RCN3: variants seen among roughly 807,000 people sequenced by gnomAD.
RCN3 encodes the protein reticulocalbin 3.
Under a neutral mutation model 35.9 loss-of-function variants are expected in RCN3, and 41 were observed. The ratio of observed to expected loss-of-function variants is 1.14; its 90% CI spans 0.89 to 1.48. The LOEUF (loss-of-function observed/expected upper bound fraction) is 1.48. RCN3 is among the 40% of genes most tolerant of loss of function. RCN3 has a pLI of 0.00. For synonymous variants in RCN3, 187 were observed against 193.4 expected (o/e 0.97, Z 0.27); for missense variants, 451 against 471.3 (o/e 0.96, Z 0.40).
At chr19:49,536,587 C>T (rs1485791504) in intron 3 of RCN3, among the ~76,000 whole-genome samples, 1 of 151,060 alleles carries the variant, frequency 6.6e-6, no homozygotes, top group African/African-American at 2.4e-5. Context: ...AGGTGTGAGC[C>T]ACTGTGCCAG....
At chr19:49,529,329 T>C (rs539221065) in intron 2 of RCN3, among the ~76,000 whole-genome samples, 1 of 152,144 alleles carries the variant, frequency 6.6e-6, no homozygotes, top group South Asian at 2.1e-4. Flanking sequence ...CAGGGACTGG[T>C]GTGGAAAATG....
intron 2 of RCN3, among the ~76,000 whole-genome samples, chr19:49,530,566 G>A (rs1278461356): frequency 8.3e-5 from 12 of 144,174 alleles, no homozygotes; most frequent in Admixed American, 2.9e-4. Context: ...GCGCAATCTC[G>A]GCTCACCACA....
Position 49,542,686 on chromosome 19 carries a change from GCCCCC to G in RCN3, c.814_818del (p.Pro272CysfsTer32). On this transcript the variant is annotated frameshift_variant, in exon 6 of 7. Transcript: ENST00000270645. LOFTEE classifies it high-confidence loss of function. Reference sequence around the variant, plus strand: ...GGAGTGAGGTGGGCCACTGGGTGCTGCCCCCTGCCCAGGACCAGCCCCTGGTGGAA... The same window carrying G: ...GGAGTGAGGTGGGCCACTGGGTGCTGTGCCCAGGACCAGCCCCTGGTGGAA... 6.3e-7 allele frequency: 1 copy of G among 1,597,074 alleles called. No homozygotes were observed.
chr19:49,532,174 C>G (rs554811003), intron 2 of RCN3, among the ~76,000 whole-genome samples: 2 of 141,544 alleles, frequency 1.4e-5, no homozygotes, highest in African/African-American at 5.4e-5. Context: ...GGCGCGATCT[C>G]GGCTCACTGC....
At chr19:49,532,367 G>A (rs1398860977) in intron 2 of RCN3, among the ~76,000 whole-genome samples, 1 of 151,574 alleles carries the variant, frequency 6.6e-6, no homozygotes, top group Non-Finnish European at 1.5e-5. Flanking sequence ...GGCCTCCAAA[G>A]TGTTTTTTGT....
At chr19:49,537,235 C>T (rs375870789) in intron 4 of RCN3, 30 bp downstream of exon 4, 133 of 1,445,500 alleles carry the variant, frequency 9.2e-5, no homozygotes, top group Middle Eastern at 2.4e-4. Context: ...CCCTGTCCCC[C>T]ACACCCTTCC....
intron 5 of RCN3, among the ~76,000 whole-genome samples, chr19:49,541,334 C>A (rs1391913185): frequency 6.6e-6 from 1 of 152,104 alleles, no homozygotes; most frequent in Non-Finnish European, 1.5e-5. Context: ...CACCTGAGGC[C>A]CAGGGGGGTT....
intron 3 of RCN3, among the ~76,000 whole-genome samples, chr19:49,536,703 G>C (rs2080137335): frequency 1.3e-5 from 2 of 151,312 alleles, no homozygotes; most frequent in South Asian, 4.2e-4. Flanking sequence ...CCGCTTCCTG[G>C]GTTCAATCGA....
intron 4 of RCN3, 125 bp from the exon 5 acceptor site, chr19:49,538,990 ACTGC>A: frequency 1.7e-6 from 1 of 604,250 alleles, no homozygotes; most frequent in Non-Finnish European, 2.9e-6. Flanking sequence ...AGACTGCTCT[ACTGC>A]CTGCCTCCCA....
intron 2 of RCN3, among the ~76,000 whole-genome samples, chr19:49,533,262 C>G (rs907744099): frequency 6.6e-6 from 1 of 152,094 alleles, no homozygotes; most frequent in African/African-American, 2.4e-5. Context: ...CCGCCTGGTG[C>G]GGGAGGTGGG....
At chr19:49,541,516 A>AGGTG (rs779722096) in intron 5 of RCN3, among the ~76,000 whole-genome samples, 6 of 152,152 alleles carry the variant, frequency 3.9e-5, no homozygotes, top group Non-Finnish European at 8.8e-5. Context: ...TAGGAGGCCA[A>AGGTG]GGTGGGTGGA....
In RCN3 at chr19:49,539,113, C is replaced by T; in HGVS notation, c.619-6C>T. On this transcript the variant is annotated splice_region_variant and splice_polypyrimidine_tract_variant and intron_variant, in intron 4 of 6. Coordinates refer to ENST00000270645, the MANE Select transcript of RCN3 (RefSeq NM_020650.3). Reference sequence around the variant, plus strand: ...CCCCCAGCCTCAATGCCCCTTTCTCCTCCAGGAAACCCTGGAGGACCTGGA... The same window carrying T: ...CCCCCAGCCTCAATGCCCCTTTCTCTTCCAGGAAACCCTGGAGGACCTGGA... 6.3e-7 allele frequency: 1 copy of T among 1,596,238 alleles called. No individual in the cohort carries two copies. The highest frequency in any genetic ancestry group is 8.5e-7 in the Non-Finnish European group (1 of 1,173,126).
At chr19:49,533,338 C>T (rs2080117992) in intron 2 of RCN3, among the ~76,000 whole-genome samples, 1 of 152,034 alleles carries the variant, frequency 6.6e-6, no homozygotes, top group South Asian at 2.1e-4. Flanking sequence ...GGGAGGGGGC[C>T]GCGGGGGCCT....
Position 49,543,611 on chromosome 19 carries a change from G to C in RCN3, c.*398G>C, listed in dbSNP as rs1451238018. The C allele has an allele frequency of 9.5e-6, 2 of 210,300 alleles. No homozygotes were observed. Among genetic ancestry groups the C allele is most frequent in the African/African-American group, 4.5e-5 (2 of 44,122 alleles). The allele number at this position is 210,300 out of a possible 1,614,324, so 13.0% of individuals were successfully genotyped here. The stretch of plus-strand genomic sequence containing the variant: ...CTGGGACACCTCCTCTCTGCCAGGA[G>C]GCAATAAAAGCCAGCGCCGGGACCT... On this transcript the variant is annotated 3_prime_UTR_variant, in exon 7 of 7. Transcript: ENST00000270645.
chr19:49,528,542 CCAGACG>C lies in RCN3; in HGVS notation c.74_79del (p.Asp25_Ala26del). On this transcript the variant is annotated inframe_deletion, in exon 2 of 7. Coordinates refer to ENST00000270645, the MANE Select transcript of RCN3 (RefSeq NM_020650.3). ...GCACGGGGCCCAGGGGAAGCCATCC[CCAGACG>C]CAGGCCCTCATGGCCAGGGGAGGGT... 1.9e-6 allele frequency: 3 copies of C among 1,577,836 alleles called. No homozygotes were observed. The highest frequency in any genetic ancestry group is 2.6e-6 in the Non-Finnish European group (3 of 1,163,520).
At chr19:49,530,165 C>CTTT (rs1372486487) in intron 2 of RCN3, among the ~76,000 whole-genome samples, 1 of 140,256 alleles carries the variant, frequency 7.1e-6, no homozygotes, top group Non-Finnish European at 1.6e-5. Flanking sequence ...TTTTTCTTTC[C>CTTT]TTTTTTTTTT....
intron 2 of RCN3, among the ~76,000 whole-genome samples, chr19:49,532,454 C>A (rs2080113392): frequency 1.3e-5 from 2 of 151,854 alleles, no homozygotes; most frequent in Non-Finnish European, 2.9e-5. Flanking sequence ...CGGCTCACTG[C>A]AACCTACGCC....
intron 3 of RCN3, among the ~76,000 whole-genome samples, chr19:49,534,963 A>C (rs7256116): frequency 0.13 from 19,640 of 151,694 alleles, 1,920 homozygotes; most frequent in African/African-American, 0.28. Flanking sequence ...AGTGCCCCAC[A>C]CCCTGCCACA....
chr19:49,539,409 A>G (rs1027013138), intron 5 of RCN3, among the ~76,000 whole-genome samples: 6 of 152,184 alleles, frequency 3.9e-5, no homozygotes, highest in Admixed American at 1.3e-4. Context: ...TGTCACGCCC[A>G]GGATACACTT....
Sources: allele counts gnomAD v4.1 joint callset (sites outside exome capture counted in the v4.1 genomes callset), GRCh38; gene constraint gnomAD v4.1.1; transcripts MANE v1.5; gene names NCBI Gene and HGNC (gene_info 2026-07-23, HGNC 2026-07-21).